The following IQGAP2 variants were observed in gnomAD, a reference collection of about 807,000 sequenced individuals.
IQGAP2 encodes ras GTPase-activating-like protein IQGAP2.
Under a neutral mutation model 201.3 loss-of-function variants are expected in IQGAP2, and 173 were observed. That is an observed-to-expected ratio of 0.86 (90% confidence interval 0.76 to 0.98). The LOEUF (loss-of-function observed/expected upper bound fraction) is 0.98, where lower values mean the gene tolerates loss of function less well. Among genes scored for constraint, IQGAP2 ranks in the 50% least tolerant of loss-of-function variants. The pLI is 0.00. For missense variants in IQGAP2, 1,687 were observed against 1,864.8 expected (o/e 0.90, Z 1.76); for synonymous variants, 675 against 673.9 (o/e 1.00, Z -0.03).
intron 35 of IQGAP2, among the ~76,000 whole-genome samples, chr5:76,705,707 T>G (rs1297690902): frequency 1.3e-5 from 2 of 152,186 alleles, no homozygotes; most frequent in African/African-American, 2.4e-5. Context: ...TTTTCTTAAG[T>G]GCAGTGAGAG....
At chr5:76,671,540 C>T (rs1189304260) in intron 23 of IQGAP2, among the ~76,000 whole-genome samples, 1 of 151,630 alleles carries the variant, frequency 6.6e-6, no homozygotes. Context: ...AAAAAGTAGC[C>T]CCGGGCATGT....
At chr5:76,656,654 T>A (rs2150441109) in intron 20 of IQGAP2, among the ~76,000 whole-genome samples, 1 of 152,284 alleles carries the variant, frequency 6.6e-6, no homozygotes, top group Non-Finnish European at 1.5e-5. Context: ...TTTAAGCAGT[T>A]ATAGTGATGT....
intron 1 of IQGAP2, among the ~76,000 whole-genome samples, chr5:76,441,095 C>T (rs1753005642): frequency 1.3e-5 from 2 of 151,456 alleles, no homozygotes; most frequent in African/African-American, 4.9e-5. Context: ...CTAGGCCCTA[C>T]AAATTACTGC....
chr5:76,669,853 T>G (rs995778694), intron 23 of IQGAP2, among the ~76,000 whole-genome samples: 1 of 152,148 alleles, frequency 6.6e-6, no homozygotes, highest in East Asian at 1.9e-4. Flanking sequence ...AAATCTTTTT[T>G]CTTCTTCTTC....
At chr5:76,463,123 TAAAAAAAAA>T (rs5868826) in intron 2 of IQGAP2, among the ~76,000 whole-genome samples, 3 of 105,716 alleles carry the variant, frequency 2.8e-5, no homozygotes, top group Non-Finnish European at 5.5e-5. Context: ...ACGCTGTCTT[TAAAAAAAAA>T]AAAAAAAAAA....
intron 5 of IQGAP2, among the ~76,000 whole-genome samples, chr5:76,576,538 C>T (rs1025757944): frequency 6.6e-6 from 1 of 152,180 alleles, no homozygotes; most frequent in Non-Finnish European, 1.5e-5. Context: ...ACTTTTAGAA[C>T]ATCTGCCTTG....
chr5:76,600,714 GA>G (rs1228118369), intron 10 of IQGAP2, 97 bp from the exon 11 acceptor site: 9 of 1,430,134 alleles, frequency 6.3e-6, no homozygotes, highest in Middle Eastern at 1.8e-4. Context: ...CAAGTTCTTT[GA>G]CTTTTTGTTG....
intron 3 of IQGAP2, among the ~76,000 whole-genome samples, chr5:76,564,854 G>A (rs1046892434): frequency 1.3e-5 from 2 of 152,210 alleles, no homozygotes; most frequent in African/African-American, 4.8e-5. Flanking sequence ...AAGGAGGGAG[G>A]TGCAGCAGGA....
intron 33 of IQGAP2, among the ~76,000 whole-genome samples, chr5:76,699,903 TTCTCTCTC>T (rs1186832045): frequency 0.11 from 760 of 7,084 alleles, 218 homozygotes; most frequent in East Asian, 0.28. Flanking sequence ...TTCTTTCTGT[TTCTCTCTC>T]TCTCTCTCTC....
At position 76,501,643 on chromosome 5, in the gene IQGAP2, CTT is replaced by C. The variant is rs56929376; in HGVS notation, c.146+39987_146+39988del. 1.1e-3 allele frequency among the ~76,000 whole-genome samples: 115 copies of C among 101,128 alleles called. 2 individuals are homozygous for C. Among genetic ancestry groups the C allele is most frequent in the Middle Eastern group, 6.8e-3 (1 of 146 alleles). The allele number at this position is 101,128 out of a possible 152,430, so 66.3% of individuals were successfully genotyped here. A position where few individuals can be genotyped will look rare whatever the true frequency, so the allele number is the denominator to read the frequency against. ...CCTGCTGCATTTTCTTTTTCCTTTTCTTTTTTTTTTTTTTCCTTGAGACAGTT... is the reference window on the plus strand; with the variant it reads ...CCTGCTGCATTTTCTTTTTCCTTTTCTTTTTTTTTTTTCCTTGAGACAGTT... On this transcript the variant is annotated intron_variant, in intron 2 of 35. Coordinates refer to ENST00000274364, the MANE Select transcript of IQGAP2 (RefSeq NM_006633.5).
intron 13 of IQGAP2, among the ~76,000 whole-genome samples, chr5:76,612,354 G>A (rs184399676): frequency 2.6e-5 from 4 of 152,222 alleles, no homozygotes; most frequent in African/African-American, 9.6e-5. Flanking sequence ...AAATTAGCCA[G>A]GTGTGGTGGC....
At chr5:76,643,299 A>T (rs1751740478) in intron 17 of IQGAP2, among the ~76,000 whole-genome samples, 1 of 152,258 alleles carries the variant, frequency 6.6e-6, no homozygotes, top group Non-Finnish European at 1.5e-5. Flanking sequence ...TTATAACTGC[A>T]GAATGCAAAT....
In IQGAP2 at chr5:76,409,287, C is replaced by G. The variant is rs551328455; in HGVS notation, c.46+5696C>G. 2.1e-4 allele frequency among the ~76,000 whole-genome samples: 28 copies of G among 135,526 alleles called. 2 individuals are homozygous for G. The South Asian group carries it at 6.0e-3, about 29-fold the overall frequency. 88.9% of individuals were successfully genotyped at this position (135,526 alleles called of 152,430 possible). On this transcript the variant is annotated intron_variant, in intron 1 of 35. Coordinates refer to ENST00000274364, the MANE Select transcript of IQGAP2 (RefSeq NM_006633.5). ...TTTGAGACAGAGTCTTGCTCTGTCA[C>G]CCAGGCTAGAGTGCAGTGACATGAT...
chr5:76,687,097 G>A (rs1041330687), intron 30 of IQGAP2, among the ~76,000 whole-genome samples: 5 of 152,134 alleles, frequency 3.3e-5, no homozygotes, highest in Non-Finnish European at 5.9e-5. Flanking sequence ...CAGTTGAATA[G>A]GTCTCTTGCA....
At chr5:76,489,964 C>A (rs1453389136) in intron 2 of IQGAP2, among the ~76,000 whole-genome samples, 2 of 152,160 alleles carry the variant, frequency 1.3e-5, no homozygotes, top group Non-Finnish European at 2.9e-5. Flanking sequence ...GTTAATCTGG[C>A]TGCAAGGAAA....
At position 76,699,605 on chromosome 5, in the gene IQGAP2, T is replaced by TTCTCTCTCTCTC. The variant is rs757841586; in HGVS notation, c.4368-1426_4368-1415dup. ...TCATTTGCTTCAGGCTTCTCTCTGT[T>TTCTCTCTCTCTC]TCTCTCTCTCTCTCTCTCTCTCTCT... is the stretch of plus-strand genomic sequence containing the variant. On this transcript the variant is annotated intron_variant, in intron 33 of 35. Transcript: ENST00000274364. 2.2e-4 allele frequency: 11 copies of TTCTCTCTCTCTC among 49,530 alleles called. 1 individual carries two copies. The highest frequency in any genetic ancestry group is 3.2e-4 in the African/African-American group (4 of 12,330). The allele number at this position is 49,530 out of a possible 1,614,324, so 3.1% of individuals were successfully genotyped here. A position where few individuals can be genotyped will look rare whatever the true frequency, so the allele number is the denominator to read the frequency against.
intron 3 of IQGAP2, among the ~76,000 whole-genome samples, chr5:76,569,080 C>G (rs2150267452): frequency 6.6e-6 from 1 of 152,262 alleles, no homozygotes; most frequent in South Asian, 2.1e-4. Flanking sequence ...TTCCTTCTTC[C>G]CTTCCTTCAA....
intron 18 of IQGAP2, among the ~76,000 whole-genome samples, 190 bp downstream of exon 18, chr5:76,653,023 G>T (rs2432188): frequency 6.6e-6 from 1 of 151,958 alleles, no homozygotes; most frequent in African/African-American, 2.4e-5. Context: ...GGTTAAACCG[G>T]TATAAAACCT....
At chr5:76,405,421 C>T (rs539873934) in intron 1 of IQGAP2, among the ~76,000 whole-genome samples, 1 of 152,324 alleles carries the variant, frequency 6.6e-6, no homozygotes, top group South Asian at 2.1e-4. Context: ...GTTACTTTCC[C>T]TCCACTCATC....
Sources: gnomAD v4.1 joint callset for allele counts (sites outside exome capture counted in the v4.1 genomes callset) on GRCh38, gnomAD v4.1.1 for gene constraint, MANE v1.5 for transcripts, NCBI Gene and HGNC (gene_info 2026-07-23, HGNC 2026-07-21) for gene names.